Variants in MAML1 observed in about 807,000 individuals in gnomAD.
The protein encoded by MAML1 is mastermind like transcriptional coactivator 1.
A neutral mutation model predicts 77.1 loss-of-function variants in MAML1; 14 were observed. That is an observed-to-expected ratio of 0.18 (90% CI 0.12 to 0.28). The LOEUF (loss-of-function observed/expected upper bound fraction) is 0.28, where lower values mean the gene tolerates loss of function less well. Among genes scored for constraint, MAML1 ranks in the 10% least tolerant of loss-of-function variants. MAML1 has a pLI of 1.00. For synonymous variants in MAML1, 516 were observed against 551.9 expected (o/e 0.93, Z 0.91); for missense variants, 1,217 against 1,327.8 (o/e 0.92, Z 1.30).
At chr5:179,758,117 T>G (rs1779657329) in intron 1 of MAML1, among the ~76,000 whole-genome samples, 1 of 152,206 alleles carries the variant, frequency 6.6e-6, no homozygotes, top group Admixed American at 6.5e-5. Flanking sequence ...AACGTTTAAA[T>G]TTAAAAAGAT....
At chr5:179,751,128 G>A (rs1265147516) in intron 1 of MAML1, among the ~76,000 whole-genome samples, 2 of 152,034 alleles carry the variant, frequency 1.3e-5, no homozygotes, top group South Asian at 2.1e-4. Flanking sequence ...CGCACACCAC[G>A]ATGCGTAGCT....
intron 1 of MAML1, among the ~76,000 whole-genome samples, chr5:179,738,328 T>C (rs1170311666): frequency 6.6e-6 from 1 of 152,234 alleles, no homozygotes; most frequent in Non-Finnish European, 1.5e-5. Context: ...AGAAAGCTGT[T>C]AATTTTGTAG....
At chr5:179,761,884 G>A (rs1330194256) in intron 1 of MAML1, among the ~76,000 whole-genome samples, 1 of 152,140 alleles carries the variant, frequency 6.6e-6, no homozygotes, top group Non-Finnish European at 1.5e-5. Context: ...TTGATTTCCA[G>A]ATTGGCCAGG....
intron 3 of MAML1, chr5:179,770,926 T>A: frequency 2.2e-6 from 1 of 452,406 alleles, no homozygotes; most frequent in South Asian, 2.3e-5. Context: ...CAGCTCTCCA[T>A]TTTTTAAAAA....
Position 179,774,968 on chromosome 5 carries a change from C to G in MAML1, c.*91C>G. On this transcript the variant is annotated 3_prime_UTR_variant, in exon 5 of 5. Coordinates refer to ENST00000292599, the MANE Select transcript of MAML1 (RefSeq NM_014757.5). Reference sequence around the variant, plus strand: ...GAGCAACTACTTTGGACCAAAAGCCCATGGCCTGGGGAGCTGGGCAGGTAG... The same window carrying G: ...GAGCAACTACTTTGGACCAAAAGCCGATGGCCTGGGGAGCTGGGCAGGTAG... The G allele has an allele frequency of 6.6e-7, 1 of 1,505,924 alleles. No individual in the cohort carries two copies. Among genetic ancestry groups the G allele is most frequent in the Non-Finnish European group, 8.8e-7 (1 of 1,135,214 alleles). 93.3% of individuals were successfully genotyped at this position (1,505,924 alleles called of 1,614,324 possible).
chr5:179,742,960 G>A (rs964111934), intron 1 of MAML1, among the ~76,000 whole-genome samples: 2 of 151,882 alleles, frequency 1.3e-5, no homozygotes, highest in Non-Finnish European at 2.9e-5. Context: ...TTAAAGGCAA[G>A]AAGGTGAGTT....
chr5:179,752,842 C>T (rs1053267516), intron 1 of MAML1, among the ~76,000 whole-genome samples: 11 of 151,964 alleles, frequency 7.2e-5, no homozygotes, highest in East Asian at 1.9e-4. Context: ...GGTGCAATCT[C>T]GGCTCACCGC....
chr5:179,753,666 T>TTA (rs1779554170), intron 1 of MAML1, among the ~76,000 whole-genome samples: 1 of 138,324 alleles, frequency 7.2e-6, no homozygotes, highest in Non-Finnish European at 1.6e-5. Context: ...TTTTTTTTTT[T>TTA]TTTTTTTTTT....
intron 1 of MAML1, among the ~76,000 whole-genome samples, chr5:179,761,673 C>G (rs1241692050): frequency 6.6e-6 from 1 of 151,962 alleles, no homozygotes; most frequent in Non-Finnish European, 1.5e-5. Flanking sequence ...CCAGCCTGGG[C>G]AACAAGAGTG....
Position 179,771,251 on chromosome 5 carries a change from G to A in MAML1, c.2068+8G>A, listed in dbSNP as rs548976920. On this transcript the variant is annotated splice_region_variant and intron_variant, in intron 4 of 4. Coordinates refer to ENST00000292599, the MANE Select transcript of MAML1 (RefSeq NM_014757.5). This position sits in a 1 kb window ranked among gnomAD's most constrained non-coding sequence, Gnocchi z 4.7. ...AGGTTGGACAGTTCACAGGTAGGGG[G>A]TGTCTGTGTGACGAGCAGGGACAGG... The A allele has an allele frequency of 2.5e-6, 4 of 1,613,316 alleles. No individual in the cohort carries two copies. In the African/African-American group the frequency reaches 5.3e-5, roughly 21 times the overall value.
chr5:179,751,052 C>T (rs1779479342), intron 1 of MAML1, among the ~76,000 whole-genome samples: 1 of 152,196 alleles, frequency 6.6e-6, no homozygotes, highest in Non-Finnish European at 1.5e-5. Context: ...TGGCTCACTG[C>T]AACCTCTGCC....
rs1209995171 is a variant in MAML1 at position 179,753,654 on chromosome 5, ATTTTTT to A, written c.316-11654_316-11649del. On this transcript the variant is annotated intron_variant, in intron 1 of 4. Transcript: ENST00000292599. ...TTTGGGTTGTTTTATTATTATTATT[ATTTTTT>A]TTTTTTTTTTTTTTTTTGAGGCAGA... Among the ~76,000 whole-genome samples, 72 of 88,852 alleles carry A rather than the reference ATTTTTT, an allele frequency of 8.1e-4. 1 individual carries two copies. The highest frequency in any genetic ancestry group is 2.3e-3 in the African/African-American group (64 of 27,452). 58.3% of individuals were successfully genotyped at this position (88,852 alleles called of 152,430 possible).
At chr5:179,742,278 C>T (rs1779298131) in intron 1 of MAML1, among the ~76,000 whole-genome samples, 1 of 151,546 alleles carries the variant, frequency 6.6e-6, no homozygotes, top group Admixed American at 6.6e-5. Flanking sequence ...CATCTGAGGT[C>T]AGGAGTTTGA....
chr5:179,760,967 C>T (rs1321936875), intron 1 of MAML1, among the ~76,000 whole-genome samples: 1 of 152,132 alleles, frequency 6.6e-6, no homozygotes, highest in Middle Eastern at 3.4e-3. Context: ...TGGTGGCAGG[C>T]GCCTGTAGTC....
intron 1 of MAML1, among the ~76,000 whole-genome samples, chr5:179,745,002 C>T (rs10447303): frequency 0.46 from 69,053 of 151,250 alleles, 17,086 homozygotes; most frequent in South Asian, 0.62. Flanking sequence ...CCCGTGTTCA[C>T]GCCATTCTCC....
At chr5:179,744,944 C>A (rs1779351260) in intron 1 of MAML1, among the ~76,000 whole-genome samples, 1 of 151,578 alleles carries the variant, frequency 6.6e-6, no homozygotes, top group Non-Finnish European at 1.5e-5. Flanking sequence ...CTCTGTTGCC[C>A]AGGCTGGAGT....
At chr5:179,753,534 C>T (rs1270681660) in intron 1 of MAML1, among the ~76,000 whole-genome samples, 1 of 151,800 alleles carries the variant, frequency 6.6e-6, no homozygotes, top group African/African-American at 2.4e-5. Flanking sequence ...ATGTTCTGGA[C>T]TTACACACCG....
chr5:179,733,106 G>A lies in MAML1; in HGVS notation c.-7G>A, dbSNP rs1418883036. On this transcript the variant is annotated 5_prime_UTR_variant, in exon 1 of 5. Coordinates refer to ENST00000292599, the MANE Select transcript of MAML1 (RefSeq NM_014757.5). ...GCCCCGGGCCCGGCCCGTGCAGCCC[G>A]CGGCCCATGGTGCTGCCCACCTGCC... is the stretch of plus-strand genomic sequence containing the variant. The A allele has an allele frequency of 2.9e-6, 4 of 1,385,392 alleles. No individual in the cohort carries two copies. Among genetic ancestry groups the A allele is most frequent in the Non-Finnish European group, 2.8e-6 (3 of 1,070,906 alleles). The allele number at this position is 1,385,392 out of a possible 1,614,324, so 85.8% of individuals were successfully genotyped here.
Position 179,733,055 on chromosome 5 carries a change from AGTGC to A in MAML1, c.-57_-54del. 2.8e-6 allele frequency: 3 copies of A among 1,080,100 alleles called. No homozygotes were observed. The highest frequency in any genetic ancestry group is 3.5e-6 in the Non-Finnish European group (3 of 850,550). The allele number at this position is 1,080,100 out of a possible 1,614,324, so 66.9% of individuals were successfully genotyped here. A position where few individuals can be genotyped will look rare whatever the true frequency, so the allele number is the denominator to read the frequency against. On this transcript the variant is annotated 5_prime_UTR_variant, in exon 1 of 5. Transcript: ENST00000292599. Reference sequence around the variant, plus strand: ...GGTAGCCGCGGGGAGCGAAGCCCGCAGTGCCAGCCGGCCCCGAGAGGCCCGGCCC... The same window carrying A: ...GGTAGCCGCGGGGAGCGAAGCCCGCACAGCCGGCCCCGAGAGGCCCGGCCC...
Sources: allele counts gnomAD v4.1 joint callset (sites outside exome capture counted in the v4.1 genomes callset), GRCh38; gene constraint gnomAD v4.1.1; non-coding constraint Gnocchi (gnomAD v3.1); transcripts MANE v1.5; gene names NCBI Gene and HGNC (gene_info 2026-07-23, HGNC 2026-07-21).